The following PLXDC2 variants were observed in gnomAD, a reference collection of about 807,000 sequenced individuals.
The protein encoded by PLXDC2 is plexin domain-containing protein 2.
Under a neutral mutation model 68.9 loss-of-function variants are expected in PLXDC2, and 40 were observed. The observed-to-expected ratio is 0.58, with a 90% CI of 0.45 to 0.76. The LOEUF (loss-of-function observed/expected upper bound fraction) is 0.76, where lower values mean the gene tolerates loss of function less well. PLXDC2 is among the 30% of genes least tolerant of loss of function. The pLI is 0.00. For missense variants in PLXDC2, 644 were observed against 661.9 expected, an observed-to-expected ratio of 0.97 and a Z score of 0.30; for synonymous variants, 243 against 234.2, an observed-to-expected ratio of 1.04 and a Z score of -0.34.
At chr10:19,947,342 G>GTTGAGTGCAGTAGTTGTGGAAACACA (rs1833918693) in intron 1 of PLXDC2, among the ~76,000 whole-genome samples, 1 of 152,050 alleles carries the variant, frequency 6.6e-6, no homozygotes, top group Non-Finnish European at 1.5e-5. Flanking sequence ...TGGGAAACAC[G>GTTGAGTGCAGTAGTTGTGGAAACACA]CCACTGTTGA....
At chr10:19,919,985 C>T (rs1833431901) in intron 1 of PLXDC2, among the ~76,000 whole-genome samples, 1 of 152,178 alleles carries the variant, frequency 6.6e-6, no homozygotes, top group Admixed American at 6.5e-5. Context: ...CAACTTTACC[C>T]ACCCCCAAAC....
chr10:20,226,406 C>G, intron 12 of PLXDC2, among the ~76,000 whole-genome samples: 1 of 152,118 alleles, frequency 6.6e-6, no homozygotes, highest in South Asian at 2.1e-4. Context: ...ATTGGACACC[C>G]CTGATTTAAG....
intron 11 of PLXDC2, 140 bp from the exon 12 acceptor site, chr10:20,218,924 A>C (rs1396048838): frequency 2.3e-6 from 2 of 867,970 alleles, no homozygotes; most frequent in Admixed American, 6.5e-5. Context: ...CTCTCATTGC[A>C]CTAGAAATTA....
chr10:20,074,059 T>C (rs762052253), intron 4 of PLXDC2, among the ~76,000 whole-genome samples: 1 of 152,090 alleles, frequency 6.6e-6, no homozygotes, highest in Non-Finnish European at 1.5e-5. Context: ...AGAATGTAAG[T>C]ATGTAGACAG....
At chr10:20,151,904 GAGA>G (rs2131802053) in intron 6 of PLXDC2, among the ~76,000 whole-genome samples, 1 of 152,104 alleles carries the variant, frequency 6.6e-6, no homozygotes, top group African/African-American at 2.4e-5. Flanking sequence ...TTATGTGAAT[GAGA>G]AGAAAAATTC....
chr10:20,072,967 C>G (rs775492286), intron 4 of PLXDC2, among the ~76,000 whole-genome samples: 6 of 152,120 alleles, frequency 3.9e-5, no homozygotes, highest in Non-Finnish European at 7.4e-5. Flanking sequence ...CCTTACAAAT[C>G]TTAAAAATGT....
chr10:20,039,594 G>T (rs561251949), intron 2 of PLXDC2, among the ~76,000 whole-genome samples: 157 of 152,160 alleles, frequency 1.0e-3, no homozygotes, highest in African/African-American at 3.5e-3. Flanking sequence ...ACTATTTACT[G>T]TGTATAGCAT....
intron 1 of PLXDC2, among the ~76,000 whole-genome samples, chr10:19,970,414 G>T (rs552081925): frequency 6.6e-6 from 1 of 152,290 alleles, no homozygotes; most frequent in Admixed American, 6.5e-5. Flanking sequence ...TGAGGGAAAT[G>T]GAATCAAGCA....
At chr10:19,822,204 A>G (rs932343403) in intron 1 of PLXDC2, among the ~76,000 whole-genome samples, 8 of 149,110 alleles carry the variant, frequency 5.4e-5, no homozygotes, top group African/African-American at 1.7e-4. Flanking sequence ...TATATGCACT[A>G]TATATAATAT....
intron 2 of PLXDC2, among the ~76,000 whole-genome samples, chr10:20,002,561 G>A (rs1361517117): frequency 1.3e-5 from 2 of 152,070 alleles, no homozygotes; most frequent in Admixed American, 1.3e-4. Context: ...ACCTGGTCCT[G>A]TGTAACAGCA....
At chr10:19,852,822 A>G (rs567293256) in intron 1 of PLXDC2, among the ~76,000 whole-genome samples, 46 of 152,334 alleles carry the variant, frequency 3.0e-4, no homozygotes, top group Non-Finnish European at 5.1e-4. Flanking sequence ...GAACGTTACC[A>G]CAAGTCAATT....
In PLXDC2 at chr10:20,288,409, C is replaced by T. The variant is rs1171137536; in HGVS notation, c.*8590C>T. The stretch of plus-strand genomic sequence containing the variant: ...CCTGCATTCTGTCATGCTAAAATAA[C>T]CAGCCCATACTTCTCGGTGACCTTC... On this transcript the variant is annotated 3_prime_UTR_variant, in exon 14 of 14. Coordinates refer to ENST00000377252, the MANE Select transcript of PLXDC2 (RefSeq NM_032812.9). The T allele has an allele frequency of 6.6e-6, 1 of 152,012 alleles. No individual in the cohort carries two copies. The highest frequency in any genetic ancestry group is 2.4e-5 in the African/African-American group (1 of 41,388). 9.4% of individuals were successfully genotyped at this position (152,012 alleles called of 1,614,324 possible). A position where few individuals can be genotyped will look rare whatever the true frequency, so the allele number is the denominator to read the frequency against.
rs1836060603 is a variant in PLXDC2, at chr10:20,279,977, A to G, written c.*158A>G. On this transcript the variant is annotated 3_prime_UTR_variant, in exon 14 of 14. Coordinates refer to ENST00000377252, the MANE Select transcript of PLXDC2 (RefSeq NM_032812.9). ...ATTTCTGGACAAGCTCAGCCCAGGA[A>G]ACAAAGGGTAAACAAAAAACTAAAA... 1.6e-6 allele frequency: 1 copy of G among 607,682 alleles called. No homozygotes were observed. The highest frequency in any genetic ancestry group is 1.9e-5 in the African/African-American group (1 of 53,864). 37.6% of individuals were successfully genotyped at this position (607,682 alleles called of 1,614,324 possible). A position where few individuals can be genotyped will look rare whatever the true frequency, so the allele number is the denominator to read the frequency against.
intron 1 of PLXDC2, among the ~76,000 whole-genome samples, chr10:19,825,965 C>T (rs1021890955): frequency 2.0e-5 from 3 of 152,178 alleles, no homozygotes; most frequent in Non-Finnish European, 4.4e-5. Context: ...TTGGCTTTCT[C>T]TTCTCCTTCT....
At chr10:20,003,090 G>A (rs1426468732) in intron 2 of PLXDC2, among the ~76,000 whole-genome samples, 1 of 152,106 alleles carries the variant, frequency 6.6e-6, no homozygotes, top group Non-Finnish European at 1.5e-5. Flanking sequence ...GCAGATTTCA[G>A]GGTTGCTCGA....
chr10:20,238,771 C>T (rs2119322210), intron 12 of PLXDC2, among the ~76,000 whole-genome samples: 1 of 144,050 alleles, frequency 6.9e-6, no homozygotes. Context: ...GATGTCTTTG[C>T]TCTTATGGTA....
intron 10 of PLXDC2, among the ~76,000 whole-genome samples, 200 bp downstream of exon 10, chr10:20,211,929 A>G (rs2131858121): frequency 6.6e-6 from 1 of 152,288 alleles, no homozygotes; most frequent in South Asian, 2.1e-4. Context: ...CATTTTCATT[A>G]CATTGTAGCA....
chr10:19,994,269 T>G (rs1017514968), intron 1 of PLXDC2, among the ~76,000 whole-genome samples: 1 of 147,352 alleles, frequency 6.8e-6, no homozygotes, highest in African/African-American at 2.5e-5. Context: ...TTTTTTTTTT[T>G]TTTTTTTAAC....
At chr10:20,007,064 G>C (rs1441952678) in intron 2 of PLXDC2, among the ~76,000 whole-genome samples, 1 of 152,168 alleles carries the variant, frequency 6.6e-6, no homozygotes, top group African/African-American at 2.4e-5. Context: ...AATTATTTTG[G>C]GAATATAAAG....
Sources: allele counts gnomAD v4.1 joint callset (sites outside exome capture counted in the v4.1 genomes callset), GRCh38; gene constraint gnomAD v4.1.1; transcripts MANE v1.5; gene names NCBI Gene and HGNC (gene_info 2026-07-23, HGNC 2026-07-21).